Variants in AGPAT5 observed in about 807,000 individuals in gnomAD.
AGPAT5 encodes the protein 1-acyl-sn-glycerol-3-phosphate acyltransferase epsilon.
A neutral mutation model predicts 45.6 loss-of-function variants in AGPAT5; 46 were observed. The ratio of observed to expected loss-of-function variants is 1.01; its 90% CI spans 0.80 to 1.29. AGPAT5 has a LOEUF of 1.29. AGPAT5 is among the 50% of genes most tolerant of loss of function. AGPAT5 has a pLI of 0.00. For missense variants in AGPAT5, 673 were observed against 450.7 expected, an observed-to-expected ratio of 1.49 and a Z score of -4.47; for synonymous variants, 272 against 167.0, an observed-to-expected ratio of 1.63 and a Z score of -4.85.
chr8:6,715,845 G>C (rs1800310783), intron 1 of AGPAT5, among the ~76,000 whole-genome samples: 1 of 152,202 alleles, frequency 6.6e-6, no homozygotes. Flanking sequence ...ATTACTTGGA[G>C]TTTTTACTTT....
chr8:6,727,130 CAA>C (rs1800714855), intron 2 of AGPAT5, among the ~76,000 whole-genome samples: 1 of 152,160 alleles, frequency 6.6e-6, no homozygotes, highest in African/African-American at 2.4e-5. Context: ...AAGAATATTT[CAA>C]AGACTGTTGT....
chr8:6,711,824 T>A (rs1307363366), intron 1 of AGPAT5, among the ~76,000 whole-genome samples: 1 of 152,230 alleles, frequency 6.6e-6, no homozygotes, highest in Non-Finnish European at 1.5e-5. Context: ...CTTACAGTCC[T>A]TGCTGCCACC....
At chr8:6,754,966 C>A in intron 6 of AGPAT5, 85 bp from the exon 7 acceptor site, 1 of 1,121,870 alleles carries the variant, frequency 8.9e-7, no homozygotes. Context: ...CTTTTTTTGT[C>A]CTGTTACCTT....
intron 4 of AGPAT5, among the ~76,000 whole-genome samples, chr8:6,741,191 T>G (rs750398128): frequency 6.6e-6 from 1 of 152,090 alleles, no homozygotes; most frequent in African/African-American, 2.4e-5. Flanking sequence ...AATGTGAACA[T>G]TTAGAACGTT....
chr8:6,733,340 C>T (rs1257152081), intron 4 of AGPAT5, among the ~76,000 whole-genome samples: 2 of 152,178 alleles, frequency 1.3e-5, no homozygotes, highest in African/African-American at 2.4e-5. Flanking sequence ...TCTGTCTTCC[C>T]TCCTCTCCTC....
At chr8:6,711,328 C>G (rs950871335) in intron 1 of AGPAT5, among the ~76,000 whole-genome samples, 3 of 152,176 alleles carry the variant, frequency 2.0e-5, no homozygotes, top group Non-Finnish European at 4.4e-5. Flanking sequence ...AATTTCACTA[C>G]TTTATTTTCA....
At chr8:6,751,377 T>C (rs1374548470) in intron 6 of AGPAT5, among the ~76,000 whole-genome samples, 3 of 152,240 alleles carry the variant, frequency 2.0e-5, no homozygotes, top group African/African-American at 7.2e-5. Flanking sequence ...GATCACTGTT[T>C]GTCAGAATTA....
chr8:6,710,256 C>T (rs1428015682), intron 1 of AGPAT5, among the ~76,000 whole-genome samples: 2 of 152,114 alleles, frequency 1.3e-5, no homozygotes, highest in Non-Finnish European at 2.9e-5. Flanking sequence ...GGCTGTAAAA[C>T]CTAGCAGTGT....
chr8:6,723,824 G>C (rs904304616), intron 1 of AGPAT5, among the ~76,000 whole-genome samples: 3 of 152,100 alleles, frequency 2.0e-5, no homozygotes, highest in Admixed American at 6.5e-5. Context: ...AAAGTTGTTG[G>C]GTTAATTGCC....
intron 5 of AGPAT5, 96 bp downstream of exon 5, chr8:6,741,847 A>AG: frequency 1.0e-6 from 1 of 957,872 alleles, no homozygotes; most frequent in Non-Finnish European, 1.6e-6. Context: ...TTTACAGTTG[A>AG]AGGAATGAAT....
intron 1 of AGPAT5, among the ~76,000 whole-genome samples, chr8:6,714,099 C>T (rs1455543554): frequency 6.6e-6 from 1 of 152,208 alleles, no homozygotes; most frequent in Non-Finnish European, 1.5e-5. Context: ...TACATTCTTT[C>T]TGCACTTCTG....
chr8:6,739,948 T>A (rs916920303), intron 4 of AGPAT5, among the ~76,000 whole-genome samples: 3 of 152,134 alleles, frequency 2.0e-5, no homozygotes, highest in African/African-American at 7.2e-5. Context: ...TTCTTTGCAA[T>A]CATATCATGA....
Position 6,757,370 on chromosome 8 carries a change from G to T in AGPAT5, c.1077G>T (p.Trp359Cys). The T allele has an allele frequency of 6.2e-7, 1 of 1,614,110 alleles. No homozygotes were observed. The highest frequency in any genetic ancestry group is 8.5e-7 in the Non-Finnish European group (1 of 1,180,000). Residue 359 changes from tryptophan (W) to cysteine (C), a missense_variant, in exon 8 of 8, where the codon TGG becomes TGT. Trp to Cys is a radical substitution (Grantham distance 215, BLOSUM62 -2). Coordinates refer to ENST00000285518, the MANE Select transcript of AGPAT5 (RefSeq NM_018361.5). ...ATGGAACCCTACTTGGCTGCCTGTG[G>T]GTTACTATTAAAGCATAGACAAGTA... ...WIYGTLLGCLWVTIKA is the reference protein window; with the variant it reads ...WIYGTLLGCLCVTIKA
intron 4 of AGPAT5, among the ~76,000 whole-genome samples, chr8:6,736,384 G>T (rs991962374): frequency 1.3e-5 from 2 of 152,144 alleles, no homozygotes; most frequent in African/African-American, 4.8e-5. Context: ...TATATGAAGT[G>T]CTGTGTGGTT....
intron 5 of AGPAT5, chr8:6,745,174 A>G (rs1801396335): frequency 6.5e-6 from 1 of 154,028 alleles, no homozygotes; most frequent in Non-Finnish European, 1.5e-5. Context: ...GAAACTGCTG[A>G]AGCTGCCATG....
intron 2 of AGPAT5, among the ~76,000 whole-genome samples, chr8:6,729,082 G>T (rs769913153): frequency 9.9e-5 from 15 of 152,132 alleles, no homozygotes; most frequent in Admixed American, 2.6e-4. Flanking sequence ...TAAGTCTTAA[G>T]TCATCAAGAA....
chr8:6,745,581 G>T (rs1801415282), intron 5 of AGPAT5, among the ~76,000 whole-genome samples: 1 of 152,188 alleles, frequency 6.6e-6, no homozygotes, highest in South Asian at 2.1e-4. Context: ...AAACAATGGA[G>T]TATAATTTTT....
intron 4 of AGPAT5, among the ~76,000 whole-genome samples, chr8:6,734,726 T>C (rs1458413593): frequency 6.6e-6 from 1 of 152,080 alleles, no homozygotes; most frequent in Non-Finnish European, 1.5e-5. Context: ...GTTGTCTTGA[T>C]ACCTGGAAAT....
At chr8:6,714,281 G>T (rs888271252) in intron 1 of AGPAT5, among the ~76,000 whole-genome samples, 3 of 152,060 alleles carry the variant, frequency 2.0e-5, no homozygotes, top group African/African-American at 4.8e-5. Context: ...GACTGTGTAG[G>T]TGTGGGTGTG....
Sources: gnomAD v4.1 joint callset for allele counts (sites outside exome capture counted in the v4.1 genomes callset) on GRCh38, gnomAD v4.1.1 for gene constraint, MANE v1.5 for transcripts, NCBI Gene and HGNC (gene_info 2026-07-23, HGNC 2026-07-21) for gene names.